TMEM67: variants seen among roughly 807,000 people sequenced by gnomAD.
TMEM67 encodes the protein meckelin.
In TMEM67, 124 loss-of-function variants were observed where a neutral mutation model predicts 136.6. The observed-to-expected ratio is 0.91, with a 90% CI of 0.78 to 1.05. TMEM67 has a LOEUF of 1.05. Among genes scored for constraint, TMEM67 ranks in the 50% least tolerant of loss-of-function variants. The pLI is 0.00. For synonymous variants in TMEM67, 364 were observed against 390.5 expected, an observed-to-expected ratio of 0.93 and a Z score of 0.80; for missense variants, 1,107 against 1,178.4, an observed-to-expected ratio of 0.94 and a Z score of 0.89.
At chr8:93,784,421 G>A (rs149963855) in intron 11 of TMEM67, among the ~76,000 whole-genome samples, 1,721 of 152,304 alleles carry the variant, frequency 0.011, 30 homozygotes, top group African/African-American at 0.039. Flanking sequence ...CATAAACTGT[G>A]GAGCCAATGT....
intron 26 of TMEM67, among the ~76,000 whole-genome samples, chr8:93,813,278 A>G (rs1808771164): frequency 6.6e-6 from 1 of 151,928 alleles, no homozygotes. Flanking sequence ...TCCCAGGTTC[A>G]AGCAGTTCTC....
At chr8:93,799,901 GTTC>G (rs1814792750) in intron 21 of TMEM67, 143 bp downstream of exon 21, 11 of 430,166 alleles carry the variant, frequency 2.6e-5, no homozygotes, top group Middle Eastern at 6.8e-4. Flanking sequence ...CTAATGGTCA[GTTC>G]TTTTTTTTTT....
At chr8:93,781,571 AG>A (rs1813829424) in intron 9 of TMEM67, 86 bp from the exon 10 acceptor site, 1 of 578,174 alleles carries the variant, frequency 1.7e-6, no homozygotes, top group East Asian at 2.9e-5. Context: ...TCAACAAAAA[AG>A]ATCAGTCAAC....
At chr8:93,778,945 G>T (rs543034904) in intron 7 of TMEM67, among the ~76,000 whole-genome samples, 1 of 152,324 alleles carries the variant, frequency 6.6e-6, no homozygotes, top group African/African-American at 2.4e-5. Flanking sequence ...ATCCTGAAGA[G>T]TGTCTTCCAA....
chr8:93,823,838 CT>C (rs80228066), downstream of TMEM67, among the ~76,000 whole-genome samples: 4,070 of 142,056 alleles, frequency 0.029, 131 homozygotes, highest in African/African-American at 0.087. Context: ...AAGATTTTGT[CT>C]TTTTTTTTTT....
At chr8:93,769,358 T>A (rs562662945) in intron 6 of TMEM67, among the ~76,000 whole-genome samples, 4 of 152,318 alleles carry the variant, frequency 2.6e-5, no homozygotes, top group African/African-American at 9.6e-5. Context: ...GCATCCCACA[T>A]ACTGCCCAAG....
Position 93,755,775 on chromosome 8 carries a change from T to TTTTG in TMEM67, c.224-3_224-2insTTTG. On this transcript the variant is annotated splice_polypyrimidine_tract_variant and splice_region_variant and intron_variant, in intron 1 of 27. Coordinates refer to ENST00000453321, the MANE Select transcript of TMEM67 (RefSeq NM_153704.6). ...GCTTTTTTTTTTTTTTTTTTTTTTT[T>TTTTG]AGGAACTTCATGTGTATGTCTACCA... The TTTTG allele has an allele frequency of 5.5e-6, 7 of 1,281,726 alleles. No individual in the cohort carries two copies. Among genetic ancestry groups the TTTTG allele is most frequent in the Admixed American group, 2.2e-5 (1 of 46,286 alleles). 79.4% of individuals were successfully genotyped at this position (1,281,726 alleles called of 1,614,324 possible).
At chr8:93,799,855 C>A in intron 21 of TMEM67, 97 bp downstream of exon 21, 1 of 971,494 alleles carries the variant, frequency 1.0e-6, no homozygotes, top group Non-Finnish European at 1.6e-6. Flanking sequence ...CCACATCCTT[C>A]TTTCTGTAGC....
At chr8:93,780,160 G>T (rs1248635121) in intron 7 of TMEM67, among the ~76,000 whole-genome samples, 1 of 151,840 alleles carries the variant, frequency 6.6e-6, no homozygotes, top group Non-Finnish European at 1.5e-5. Flanking sequence ...GGCTCTGTAG[G>T]CGTGGGACCC....
At chr8:93,761,048 C>T (rs972461522) in intron 3 of TMEM67, among the ~76,000 whole-genome samples, 7 of 152,146 alleles carry the variant, frequency 4.6e-5, no homozygotes, top group Admixed American at 6.5e-5. Flanking sequence ...CAGTGGCTCA[C>T]GCTTGTAATC....
At chr8:93,791,114 G>C in intron 14 of TMEM67, 149 bp from the exon 15 acceptor site, 2 of 595,488 alleles carry the variant, frequency 3.4e-6, no homozygotes, top group Admixed American at 6.2e-5. Flanking sequence ...ATCTATTTAC[G>C]TGTAAGTTAA....
intron 6 of TMEM67, among the ~76,000 whole-genome samples, chr8:93,771,408 CTT>C: frequency 6.6e-6 from 1 of 152,142 alleles, no homozygotes; most frequent in South Asian, 2.1e-4. Context: ...TTTGACGTGA[CTT>C]TAGACTTTAG....
the TMEM67 span, among the ~76,000 whole-genome samples, chr8:93,827,579 CTTTTTT>C: frequency 2.2e-5 from 3 of 136,478 alleles, no homozygotes; most frequent in South Asian, 2.4e-4. Context: ...TGTATTTTTT[CTTTTTT>C]TTTTTTTTGT....
At chr8:93,755,952 A>AT (rs1292377014) in intron 2 of TMEM67, 86 bp downstream of exon 2, 12 of 812,010 alleles carry the variant, frequency 1.5e-5, no homozygotes, top group Non-Finnish European at 2.4e-5. Flanking sequence ...TTTAATGTTT[A>AT]ATGTTTCCCC....
At chr8:93,823,644 A>C (rs1809071227), downstream of TMEM67, among the ~76,000 whole-genome samples, 1 of 152,170 alleles carries the variant, frequency 6.6e-6, no homozygotes, top group African/African-American at 2.4e-5. Context: ...CAGCATGTGC[A>C]AAGGCCCTGA....
intron 7 of TMEM67, among the ~76,000 whole-genome samples, chr8:93,775,488 C>A (rs1294280958): frequency 6.6e-6 from 1 of 152,124 alleles, no homozygotes; most frequent in African/African-American, 2.4e-5. Context: ...GGTTTTAGGT[C>A]TAGCATTTAA....
intron 3 of TMEM67, among the ~76,000 whole-genome samples, chr8:93,761,124 A>G (rs1252077945): frequency 6.6e-6 from 1 of 152,058 alleles, no homozygotes; most frequent in Non-Finnish European, 1.5e-5. Context: ...AGCCTGACGA[A>G]TGTAGTCGCT....
intron 16 of TMEM67, among the ~76,000 whole-genome samples, chr8:93,793,507 CTCT>C (rs1438779255): frequency 2.0e-5 from 3 of 152,136 alleles, no homozygotes; most frequent in Non-Finnish European, 2.9e-5. Context: ...ACCAGCAATG[CTCT>C]TCTTATTTCT....
intron 7 of TMEM67, among the ~76,000 whole-genome samples, chr8:93,775,961 G>A (rs955169624): frequency 6.6e-6 from 1 of 152,134 alleles, no homozygotes; most frequent in African/African-American, 2.4e-5. Flanking sequence ...CCATTTTCAC[G>A]ATATTGATTC....
Sources: gnomAD v4.1 joint callset for allele counts (sites outside exome capture counted in the v4.1 genomes callset) on GRCh38, gnomAD v4.1.1 for gene constraint, MANE v1.5 for transcripts, NCBI Gene and HGNC (gene_info 2026-07-23, HGNC 2026-07-21) for gene names.